UTP14C: variants seen among roughly 807,000 people sequenced by gnomAD.
UTP14C encodes U3 small nucleolar RNA-associated protein 14 homolog C.
Under a neutral mutation model 14.6 loss-of-function variants are expected in UTP14C, and 10 were observed. The ratio of observed to expected loss-of-function variants is 0.68; its 90% CI spans 0.42 to 1.16. The LOEUF (loss-of-function observed/expected upper bound fraction) is 1.16, where lower values mean the gene tolerates loss of function less well. Ranked by LOEUF, UTP14C falls within the 50% of genes most tolerant of loss-of-function variation. The pLI, the probability that UTP14C is intolerant of heterozygous loss-of-function variation, is 0.00. For missense variants in UTP14C, 818 were observed against 890.8 expected (o/e 0.92, Z 1.04); for synonymous variants, 315 against 331.6 (o/e 0.95, Z 0.54).
In UTP14C at chr13:52,030,373, T is replaced by C. The variant is rs1954289270; in HGVS notation, c.1569T>C (p.Asn523=). The C allele has an allele frequency of 1.2e-6, 2 of 1,614,126 alleles. No individual in the cohort carries two copies. The highest frequency in any genetic ancestry group is 1.7e-6 in the Non-Finnish European group (2 of 1,180,018). The change falls in exon 2 of 2, where the codon AAT becomes AAC. Residue 523 remains asparagine, a synonymous_variant. Coordinates refer to ENST00000521776, the MANE Select transcript of UTP14C (RefSeq NM_021645.6). ...EELGKEDCFQ[N]KELPRPVLEG... ...TGGGAAAAGAAGATTGTTTTCAAAA[T>C]AAGGAGCTTCCCAGACCTGTGTTAG...
In UTP14C at chr13:52,032,846, C is replaced by A. The variant is rs566375880; in HGVS notation, c.*1741C>A. On this transcript the variant is annotated 3_prime_UTR_variant, in exon 2 of 2. Coordinates refer to ENST00000521776, the MANE Select transcript of UTP14C (RefSeq NM_021645.6). The stretch of plus-strand genomic sequence containing the variant: ...TTAAATCTAAAGAATTTAGTAGATT[C>A]CTTCAGTGTCACAAAGCTGTTTCAT... 1 of 167,016 alleles carries A rather than the reference C, an allele frequency of 6.0e-6. No individual in the cohort carries two copies. Among genetic ancestry groups the A allele is most frequent in the Non-Finnish European group, 1.5e-5 (1 of 68,102 alleles). The allele number at this position is 167,016 out of a possible 1,614,324, so 10.3% of individuals were successfully genotyped here.
In UTP14C at chr13:52,031,031, A is replaced by G; in HGVS notation, c.2227A>G (p.Arg743Gly). Residue 743 changes from arginine (R) to glycine (G), a missense_variant, in exon 2 of 2, where the codon AGG becomes GGG. By Grantham distance (125) the Arg-to-Gly change is moderately radical. Transcript: ENST00000521776. ...GGATGTGGGCTACCAGTCTTCCTCA[A>G]GGTCAGACCTGCCTGTCATACAGAG... Reference protein sequence around the residue: ...AEDVGYQSSSRSDLPVIQRNP... With the variant: ...AEDVGYQSSSGSDLPVIQRNP... 1 of 1,614,228 alleles carries G rather than the reference A, an allele frequency of 6.2e-7. No individual in the cohort carries two copies. The highest frequency in any genetic ancestry group is 2.2e-5 in the East Asian group (1 of 44,880).
In UTP14C at chr13:52,029,073, T is replaced by C; in HGVS notation, c.269T>C (p.Leu90Pro). 6.2e-7 allele frequency: 1 copy of C among 1,614,272 alleles called. No individual in the cohort carries two copies. Among genetic ancestry groups the C allele is most frequent in the Non-Finnish European group, 8.5e-7 (1 of 1,180,054 alleles). ...GAAAAGCTGGGCCTTGCAGATCTGC[T>C]TGAGCCCGTTAAAACTTCATCTTCT... is the stretch of plus-strand genomic sequence containing the variant. ...SGEKLGLADL[L>P]EPVKTSSSLA... Residue 90 changes from leucine to proline, a missense_variant, in exon 2 of 2, where the codon CTT becomes CCT. By Grantham distance (98) the Leu-to-Pro change is moderately conservative. Coordinates refer to ENST00000521776, the MANE Select transcript of UTP14C (RefSeq NM_021645.6).
rs1197139640 is a variant in UTP14C, at chr13:52,031,305, C to T, written c.*200C>T. 2.6e-6 allele frequency: 2 copies of T among 770,294 alleles called. No homozygotes were observed. The highest frequency in any genetic ancestry group is 6.2e-5 in the Admixed American group (2 of 32,394). The allele number at this position is 770,294 out of a possible 1,614,324, so 47.7% of individuals were successfully genotyped here. ...TCAGACATTAGAACACAGAAAAATT[C>T]TAGTACATTTAAATTCTAAACAATA... On this transcript the variant is annotated 3_prime_UTR_variant, in exon 2 of 2. Transcript: ENST00000521776.
At position 52,028,302 on chromosome 13, in the gene UTP14C, T is replaced by C. The variant is rs764833784; in HGVS notation, c.-486-17T>C. The C allele has an allele frequency of 1.2e-6, 2 of 1,614,162 alleles. No homozygotes were observed. Among genetic ancestry groups the C allele is most frequent in the Non-Finnish European group, 1.7e-6 (2 of 1,180,022 alleles). ...CAAAAACTTAAAAGATTACATGATT[T>C]GTGTTTTTTTTCTCAGGAGTTGTGG... On this transcript the variant is annotated splice_polypyrimidine_tract_variant and intron_variant, in intron 1 of 1. Coordinates refer to ENST00000521776, the MANE Select transcript of UTP14C (RefSeq NM_021645.6).
rs199616330 is a variant in UTP14C at position 52,028,468 on chromosome 13, C to A, written c.-337C>A. On this transcript the variant is annotated 5_prime_UTR_variant, in exon 2 of 2. Coordinates refer to ENST00000521776, the MANE Select transcript of UTP14C (RefSeq NM_021645.6). ...CTATGCTGAAACTATCGCTCACATT[C>A]TTTCCATGTCTGCAGAAAAGAGACT... 2.3e-5 allele frequency: 37 copies of A among 1,614,212 alleles called. No homozygotes were observed. In the East Asian group the frequency reaches 8.2e-4, roughly 36 times the overall value.
In UTP14C at chr13:52,031,357, T is replaced by A. The variant is rs1309092558; in HGVS notation, c.*252T>A. The stretch of plus-strand genomic sequence containing the variant: ...AGTGGATGACCCTTTTGAATATACC[T>A]AATGATTTCCTTAAAAAAGAAATTT... On this transcript the variant is annotated 3_prime_UTR_variant, in exon 2 of 2. Transcript: ENST00000521776. 1 of 513,608 alleles carries A rather than the reference T, an allele frequency of 1.9e-6. No individual in the cohort carries two copies. The highest frequency in any genetic ancestry group is 3.4e-6 in the Non-Finnish European group (1 of 296,326). 31.8% of individuals were successfully genotyped at this position (513,608 alleles called of 1,614,324 possible).
rs1329689478 is a variant in UTP14C, at chr13:52,032,401, T to G, written c.*1296T>G. ...CACCTTCTATCCTGAATAACTAGCATGGAAAAGTGAATATATGTGTGAGCA... is the reference window on the plus strand; with the variant it reads ...CACCTTCTATCCTGAATAACTAGCAGGGAAAAGTGAATATATGTGTGAGCA... On this transcript the variant is annotated 3_prime_UTR_variant, in exon 2 of 2. Transcript: ENST00000521776. 1 of 167,050 alleles carries G rather than the reference T, an allele frequency of 6.0e-6. No individual in the cohort carries two copies. The highest frequency in any genetic ancestry group is 1.5e-5 in the Non-Finnish European group (1 of 68,120). 10.3% of individuals were successfully genotyped at this position (167,050 alleles called of 1,614,324 possible).
rs530974224 is a variant in UTP14C, at chr13:52,030,806, A to G, written c.2002A>G (p.Ile668Val). The G allele has an allele frequency of 2.8e-5, 46 of 1,614,240 alleles. 2 individuals are homozygous for G. In the African/African-American group the frequency reaches 2.9e-4, roughly 10 times the overall value. Residue 668 changes from isoleucine (I) to valine (V), a missense_variant, in exon 2 of 2, where the codon ATC (isoleucine) becomes GTC (valine). By Grantham distance (29) the Ile-to-Val change is conservative. Transcript: ENST00000521776. Reference sequence around the variant, plus strand: ...AGATAAGAATTTGCCAAATGTGATTATCAGTGAGAAGCGCAACATCCACGC... The same window carrying G: ...AGATAAGAATTTGCCAAATGTGATTGTCAGTGAGAAGCGCAACATCCACGC... The part of the protein sequence containing the change: ...RKDKNLPNVI[I>V]SEKRNIHAAA...
At position 52,032,992 on chromosome 13, in the gene UTP14C, G is replaced by A. The variant is rs1954319911; in HGVS notation, c.*1887G>A. 1 of 166,982 alleles carries A rather than the reference G, an allele frequency of 6.0e-6. No individual in the cohort carries two copies. The highest frequency in any genetic ancestry group is 2.4e-5 in the African/African-American group (1 of 41,404). 10.3% of individuals were successfully genotyped at this position (166,982 alleles called of 1,614,324 possible). A position where few individuals can be genotyped will look rare whatever the true frequency, so the allele number is the denominator to read the frequency against. ...TCCACTCAATTGCCTTATTCCTGAG[G>A]ATGTAGTGAAGGAAGAAAAAGTTTT... On this transcript the variant is annotated 3_prime_UTR_variant, in exon 2 of 2. Coordinates refer to ENST00000521776, the MANE Select transcript of UTP14C (RefSeq NM_021645.6).
Position 52,029,407 on chromosome 13 carries a change from T to G in UTP14C, c.603T>G (p.Pro201=). 1 of 1,614,116 alleles carries G rather than the reference T, an allele frequency of 6.2e-7. No individual in the cohort carries two copies. The highest frequency in any genetic ancestry group is 8.5e-7 in the Non-Finnish European group (1 of 1,180,032). ...AGAACAAGCAGCCAGTGACAGATCC[T>G]TTACTGACTCCCATGGAAAAGGCCT... ...LHKNKQPVTD[P]LLTPMEKASL... The change falls in exon 2 of 2, where the codon CCT becomes CCG. Residue 201 remains proline, a synonymous_variant. Coordinates refer to ENST00000521776, the MANE Select transcript of UTP14C (RefSeq NM_021645.6).
At position 52,031,736 on chromosome 13, in the gene UTP14C, C is replaced by A. The variant is rs528207975; in HGVS notation, c.*631C>A. The A allele has an allele frequency of 2.4e-5, 4 of 167,372 alleles. No homozygotes were observed. The South Asian group carries it at 8.3e-4, about 35-fold the overall frequency. 10.4% of individuals were successfully genotyped at this position (167,372 alleles called of 1,614,324 possible). Reference sequence around the variant, plus strand: ...GGTGGCATTTTGAAAGAGCGCTGGGCAAGCAGTTAGCACATCTGGGCCTAC... The same window carrying A: ...GGTGGCATTTTGAAAGAGCGCTGGGAAAGCAGTTAGCACATCTGGGCCTAC... On this transcript the variant is annotated 3_prime_UTR_variant, in exon 2 of 2. Coordinates refer to ENST00000521776, the MANE Select transcript of UTP14C (RefSeq NM_021645.6).
chr13:52,028,552 G>A lies in UTP14C; in HGVS notation c.-253G>A, dbSNP rs761472745. The A allele has an allele frequency of 3.7e-6, 6 of 1,614,020 alleles. No individual in the cohort carries two copies. In the East Asian group the frequency reaches 1.1e-4, roughly 30 times the overall value. On this transcript the variant is annotated 5_prime_UTR_variant, in exon 2 of 2. In the 5' UTR this introduces an upstream ATG that the reference lacks. Transcript: ENST00000521776. The stretch of plus-strand genomic sequence containing the variant: ...CAGATTCTCTGATCAGGAATTTGAA[G>A]TGACATTCCTATCATCTGTGGAAAA...
In UTP14C at chr13:52,030,162, A is replaced by T. The variant is rs538736846; in HGVS notation, c.1358A>T (p.Glu453Val). The T allele has an allele frequency of 6.2e-7, 1 of 1,614,208 alleles. No individual in the cohort carries two copies. Among genetic ancestry groups the T allele is most frequent in the East Asian group, 2.2e-5 (1 of 44,884 alleles). ...GAAACAAAAGATTCTAGCAGCCAGG[A>T]GGTGCTGTCCGAATTGAGGGCACTA... ...SQETKDSSSQ[E>V]VLSELRALSQ... is the part of the protein sequence containing the mutation. Residue 453 changes from glutamate (E) to valine (V), a missense_variant, in exon 2 of 2, where the codon GAG becomes GTG. Transcript: ENST00000521776.
chr13:52,030,368 C>T lies in UTP14C; in HGVS notation c.1564C>T (p.Gln522Ter), dbSNP rs1412005001. Reference sequence around the variant, plus strand: ...AGAGCTGGGAAAAGAAGATTGTTTTCAAAATAAGGAGCTTCCCAGACCTGT... The same window carrying T: ...AGAGCTGGGAAAAGAAGATTGTTTTTAAAATAAGGAGCTTCCCAGACCTGT... ...LEELGKEDCF[Q>*]NKELPRPVLE... Residue 522 changes from glutamine to a stop codon, truncating the protein, a stop_gained, in exon 2 of 2, where the codon CAA (glutamine) becomes TAA (stop). Coordinates refer to ENST00000521776, the MANE Select transcript of UTP14C (RefSeq NM_021645.6). LOFTEE classifies it low-confidence loss of function (END_TRUNC). 1.1e-5 allele frequency: 18 copies of T among 1,614,026 alleles called. No individual in the cohort carries two copies. The highest frequency in any genetic ancestry group is 1.5e-5 in the Non-Finnish European group (18 of 1,180,038).
chr13:52,032,811 C>G lies in UTP14C; in HGVS notation c.*1706C>G, dbSNP rs1384834094. The G allele has an allele frequency of 6.0e-6, 1 of 167,052 alleles. No individual in the cohort carries two copies. The highest frequency in any genetic ancestry group is 1.5e-5 in the Non-Finnish European group (1 of 68,100). 10.3% of individuals were successfully genotyped at this position (167,052 alleles called of 1,614,324 possible). Reference sequence around the variant, plus strand: ...TCTCTCTTATTTTCAGCTTTACAGACAAGAACAATTTAAATCTAAAGAATT... The same window carrying G: ...TCTCTCTTATTTTCAGCTTTACAGAGAAGAACAATTTAAATCTAAAGAATT... On this transcript the variant is annotated 3_prime_UTR_variant, in exon 2 of 2. Coordinates refer to ENST00000521776, the MANE Select transcript of UTP14C (RefSeq NM_021645.6).
chr13:52,030,154 C>T lies in UTP14C; in HGVS notation c.1350C>T (p.Ser450=). 6.8e-6 allele frequency: 11 copies of T among 1,614,182 alleles called. No homozygotes were observed. Among genetic ancestry groups the T allele is most frequent in the South Asian group, 1.1e-5 (1 of 91,082 alleles). The change falls in exon 2 of 2, where the codon AGC becomes AGT. Residue 450 remains serine (S), a synonymous_variant. Transcript: ENST00000521776. ...PASSQETKDS[S]SQEVLSELRA... ...GCAGTCAAGAAACAAAAGATTCTAG[C>T]AGCCAGGAGGTGCTGTCCGAATTGA...
Position 52,030,453 on chromosome 13 carries a change from A to G in UTP14C, c.1649A>G (p.Lys550Arg), listed in dbSNP as rs769405540. The change falls in exon 2 of 2, where the codon AAG becomes AGG. Residue 550 changes from lysine (K) to arginine (R), a missense_variant. Lys to Arg is a conservative substitution (Grantham distance 26, BLOSUM62 2). Coordinates refer to ENST00000521776, the MANE Select transcript of UTP14C (RefSeq NM_021645.6). ...PNNRPDAPKE[K>R]KEKEQLINLQ... ...AATCGGCCTGATGCCCCTAAGGAGA[A>G]GAAAGAGAAGGAGCAACTGATCAAC... The G allele has an allele frequency of 7.4e-6, 12 of 1,614,130 alleles. No homozygotes were observed. In the African/African-American group the frequency reaches 1.6e-4, roughly 22 times the overall value.
chr13:52,033,203 C>T lies in UTP14C; in HGVS notation c.*2098C>T, dbSNP rs187507032. The T allele has an allele frequency of 2.4e-5, 4 of 167,092 alleles. No individual in the cohort carries two copies. Among genetic ancestry groups the T allele is most frequent in the Middle Eastern group, 3.4e-3 (1 of 296 alleles). 10.4% of individuals were successfully genotyped at this position (167,092 alleles called of 1,614,324 possible). A position where few individuals can be genotyped will look rare whatever the true frequency, so the allele number is the denominator to read the frequency against. On this transcript the variant is annotated 3_prime_UTR_variant, in exon 2 of 2. Transcript: ENST00000521776. ...AGTGTCAAAGTGGTTTGTCCGCTAGCGTCTGTCTGCAGAACTTTCAGGATG... is the reference window on the plus strand; with the variant it reads ...AGTGTCAAAGTGGTTTGTCCGCTAGTGTCTGTCTGCAGAACTTTCAGGATG...
Sources: allele counts gnomAD v4.1 joint callset, GRCh38; gene constraint gnomAD v4.1.1; transcripts MANE v1.5; gene names NCBI Gene and HGNC (gene_info 2026-07-23, HGNC 2026-07-21).